Variants in SIPA1L1 observed in about 807,000 individuals in gnomAD.
SIPA1L1 encodes the protein signal-induced proliferation-associated 1-like protein 1.
A neutral mutation model predicts 162.7 loss-of-function variants in SIPA1L1; 26 were observed. That is an observed-to-expected ratio of 0.16 (90% CI 0.12 to 0.22). The LOEUF (loss-of-function observed/expected upper bound fraction) is 0.22, where lower values mean the gene tolerates loss of function less well. Among genes scored for constraint, SIPA1L1 ranks in the 10% least tolerant of loss-of-function variants. The probability of loss-of-function intolerance (pLI) is 1.00; values close to 1 mark genes in which losing one functional copy is unlikely to be tolerated. For synonymous variants in SIPA1L1, 829 were observed against 837.4 expected, an observed-to-expected ratio of 0.99 and a Z score of 0.17; for missense variants, 1,874 against 2,241.0, an observed-to-expected ratio of 0.84 and a Z score of 3.31.
At chr14:71,342,382 G>A (rs1226056037) in intron 2 of SIPA1L1, among the ~76,000 whole-genome samples, 2 of 152,130 alleles carry the variant, frequency 1.3e-5, no homozygotes. Context: ...TCTGTTTTAA[G>A]CTCTTTGAGA....
chr14:71,466,077 A>T (rs1298238227), intron 2 of SIPA1L1, among the ~76,000 whole-genome samples: 1 of 152,174 alleles, frequency 6.6e-6, no homozygotes, highest in African/African-American at 2.4e-5. Context: ...AATACTTCAC[A>T]TCCTTCAATC....
At position 71,669,322 on chromosome 14, in the gene SIPA1L1, G is replaced by C. The variant is rs2044307447; in HGVS notation, c.2256-1797G>C. The stretch of plus-strand genomic sequence containing the variant: ...TAATAAATGGATCTGCAGAAAGCCA[G>C]TTAGTTTAAGGGGCAAGTAGATGGA... On this transcript the variant is annotated intron_variant, in intron 10 of 23. Transcript: ENST00000381232. Among the ~76,000 whole-genome samples the C allele has an allele frequency of 3.3e-5, 5 of 152,202 alleles. 1 individual carries two copies. In the South Asian group the frequency reaches 1.0e-3, roughly 31 times the overall value.
At position 71,577,949 on chromosome 14, in the gene SIPA1L1, C is replaced by T. The variant is rs539217390; in HGVS notation, c.-302-9622C>T. 3.9e-3 allele frequency among the ~76,000 whole-genome samples: 596 copies of T among 151,962 alleles called. 5 individuals are homozygous for T. Among genetic ancestry groups the T allele is most frequent in the African/African-American group, 0.014 (572 of 41,454 alleles). ...TCTCCGATACAGAGTCTTGCTCTGG[C>T]ACCCAGGCTGGAGTGCAGTGGTGCG... On this transcript the variant is annotated intron_variant, in intron 4 of 23. Coordinates refer to ENST00000381232, the MANE Select transcript of SIPA1L1 (RefSeq NM_001386936.1).
intron 8 of SIPA1L1, among the ~76,000 whole-genome samples, chr14:71,652,905 T>C: frequency 6.6e-6 from 1 of 152,226 alleles, no homozygotes. Context: ...AAAATGTTCA[T>C]CTGCTAATTT....
At chr14:71,401,419 T>G (rs997474254) in intron 2 of SIPA1L1, among the ~76,000 whole-genome samples, 5 of 152,024 alleles carry the variant, frequency 3.3e-5, no homozygotes, top group African/African-American at 4.8e-5. Flanking sequence ...TTAGTGTTAC[T>G]TAAAAGCTGT....
At chr14:71,425,013 A>AT (rs2043459905) in intron 2 of SIPA1L1, among the ~76,000 whole-genome samples, 2 of 151,804 alleles carry the variant, frequency 1.3e-5, no homozygotes, top group South Asian at 4.1e-4. Flanking sequence ...CTAGGAATCC[A>AT]TTTTTTCTAG....
Position 71,451,771 on chromosome 14 carries a change from A to G in SIPA1L1, c.-464-60972A>G, listed in dbSNP as rs1305313197. On this transcript the variant is annotated intron_variant, in intron 2 of 23. Coordinates refer to ENST00000381232, the MANE Select transcript of SIPA1L1 (RefSeq NM_001386936.1). The stretch of plus-strand genomic sequence containing the variant: ...AAAAATGAAAAGTATGTCAGGTAAC[A>G]TATATGTTAATTAGCTCGATTTAGC... 2.0e-5 allele frequency among the ~76,000 whole-genome samples: 3 copies of G among 152,146 alleles called. No homozygotes were observed. The East Asian group carries it at 5.8e-4, about 29-fold the overall frequency.
chr14:71,633,650 T>C (rs1179803123), intron 7 of SIPA1L1, among the ~76,000 whole-genome samples: 1 of 152,082 alleles, frequency 6.6e-6, no homozygotes, highest in Non-Finnish European at 1.5e-5. Flanking sequence ...CTACCAAAAA[T>C]TATAAATTCT....
chr14:71,584,665 A>G (rs970864422), intron 4 of SIPA1L1, among the ~76,000 whole-genome samples: 1 of 152,222 alleles, frequency 6.6e-6, no homozygotes, highest in African/African-American at 2.4e-5. Flanking sequence ...AAGACTTTCA[A>G]CTAGTTGAAT....
At position 71,735,027 on chromosome 14, in the gene SIPA1L1, G is replaced by A. The variant is rs376421220; in HGVS notation, c.5009-250G>A. ...GAAACATTTCATAGAATGCTACAGTGATGAGCAGGGAAGAGGGGGGACTAG... is the reference window on the plus strand; with the variant it reads ...GAAACATTTCATAGAATGCTACAGTAATGAGCAGGGAAGAGGGGGGACTAG... On this transcript the variant is annotated intron_variant, in intron 21 of 23. Coordinates refer to ENST00000381232, the MANE Select transcript of SIPA1L1 (RefSeq NM_001386936.1). Among the ~76,000 whole-genome samples, 7 of 152,320 alleles carry A rather than the reference G, an allele frequency of 4.6e-5. No individual in the cohort carries two copies. In the East Asian group the frequency reaches 1.3e-3, roughly 29 times the overall value.
chr14:71,439,024 A>G (rs890047405), intron 2 of SIPA1L1, among the ~76,000 whole-genome samples: 3 of 152,004 alleles, frequency 2.0e-5, no homozygotes, highest in African/African-American at 7.3e-5. Context: ...GATTTAACTA[A>G]TGTGGTTTTA....
chr14:71,408,128 T>C (rs953644853), intron 2 of SIPA1L1, among the ~76,000 whole-genome samples: 12 of 152,234 alleles, frequency 7.9e-5, no homozygotes, highest in African/African-American at 2.9e-4. Flanking sequence ...ATTTCTGATG[T>C]TTTGAGAAGA....
intron 17 of SIPA1L1, among the ~76,000 whole-genome samples, chr14:71,718,591 A>G (rs1382377262): frequency 1.3e-5 from 2 of 152,226 alleles, no homozygotes; most frequent in South Asian, 2.1e-4. Flanking sequence ...CTGAGGCTAT[A>G]GTGAGCTATG....
At chr14:71,716,475 C>G (rs1201719207) in intron 17 of SIPA1L1, among the ~76,000 whole-genome samples, 2 of 152,160 alleles carry the variant, frequency 1.3e-5, no homozygotes. Flanking sequence ...CCTTGCCATT[C>G]CTAAATAGTA....
At chr14:71,458,287 C>T (rs186839151) in intron 2 of SIPA1L1, among the ~76,000 whole-genome samples, 1 of 152,184 alleles carries the variant, frequency 6.6e-6, no homozygotes, top group Admixed American at 6.5e-5. Flanking sequence ...GATTTTGGCA[C>T]TCTGAGATTT....
chr14:71,356,012 G>T (rs963386005), intron 2 of SIPA1L1, among the ~76,000 whole-genome samples: 2 of 152,142 alleles, frequency 1.3e-5, no homozygotes, highest in Non-Finnish European at 2.9e-5. Context: ...TCTGGGAATG[G>T]TTGCCAGTTC....
At chr14:71,672,856 G>A (rs2044675714) in intron 12 of SIPA1L1, among the ~76,000 whole-genome samples, 1 of 152,162 alleles carries the variant, frequency 6.6e-6, no homozygotes, top group African/African-American at 2.4e-5. Context: ...TACATCACTG[G>A]ATTTATAAAG....
intron 3 of SIPA1L1, among the ~76,000 whole-genome samples, chr14:71,527,063 G>A (rs1204265817): frequency 6.6e-6 from 1 of 152,146 alleles, no homozygotes; most frequent in Non-Finnish European, 1.5e-5. Context: ...TTATTTCATT[G>A]TAGTTTTAAT....
intron 12 of SIPA1L1, among the ~76,000 whole-genome samples, chr14:71,679,663 T>G (rs973546769): frequency 6.6e-6 from 1 of 152,156 alleles, no homozygotes; most frequent in Non-Finnish European, 1.5e-5. Flanking sequence ...TCAAGACCCA[T>G]CAGTGTGCTA....
Sources: allele counts gnomAD v4.1 joint callset (sites outside exome capture counted in the v4.1 genomes callset), GRCh38; gene constraint gnomAD v4.1.1; transcripts MANE v1.5; gene names NCBI Gene and HGNC (gene_info 2026-07-23, HGNC 2026-07-21).